Variants in FBXL17 observed in about 807,000 individuals in gnomAD.
FBXL17 encodes the protein F-box/LRR-repeat protein 17.
A neutral mutation model predicts 66.2 loss-of-function variants in FBXL17; 22 were observed. That is an observed-to-expected ratio of 0.33 (90% CI 0.24 to 0.47). The LOEUF is 0.47. Among genes scored for constraint, FBXL17 ranks in the 20% least tolerant of loss-of-function variants. The pLI, the probability that FBXL17 is intolerant of heterozygous loss-of-function variation, is 1.00. For missense variants in FBXL17, 878 were observed against 948.2 expected, an observed-to-expected ratio of 0.93 and a Z score of 0.97; for synonymous variants, 474 against 400.5, an observed-to-expected ratio of 1.18 and a Z score of -2.19.
chr5:108,159,823 C>T (rs1260599694), intron 6 of FBXL17, among the ~76,000 whole-genome samples: 2 of 152,094 alleles, frequency 1.3e-5, no homozygotes, highest in Non-Finnish European at 2.9e-5. Flanking sequence ...ACTAAATCCA[C>T]GATGTCTTTT....
At chr5:108,113,470 G>A (rs1018099081) in intron 6 of FBXL17, among the ~76,000 whole-genome samples, 2 of 151,946 alleles carry the variant, frequency 1.3e-5, no homozygotes, top group Non-Finnish European at 2.9e-5. Context: ...TTTTCTTCCA[G>A]TGTATCGAGA....
chr5:108,308,274 GTTTTCATTTTTTGAGTGTCTAGAAT>G (rs1409967789), intron 4 of FBXL17, among the ~76,000 whole-genome samples: 1 of 151,906 alleles, frequency 6.6e-6, no homozygotes. Context: ...AGTAATGGTG[GTTTTCATTTTTTGAGTGTCTAGAAT>G]GTATAGGCAT....
chr5:107,916,100 C>T (rs1464860593), intron 7 of FBXL17, among the ~76,000 whole-genome samples: 1 of 152,114 alleles, frequency 6.6e-6, no homozygotes, highest in Non-Finnish European at 1.5e-5. Context: ...ACAGACCTTA[C>T]CTAAGCCACT....
In FBXL17 at chr5:108,028,976, T is replaced by A. The variant is rs1754931292; in HGVS notation, c.1746-7975A>T. On this transcript the variant is annotated intron_variant, in intron 6 of 8. Transcript: ENST00000542267. ...CTAATTTGATGCCTTTGAAAGCTTA[T>A]AATTAGATAGCTATAATCAAATACA... is the stretch of plus-strand genomic sequence containing the variant. 2.0e-5 allele frequency among the ~76,000 whole-genome samples: 3 copies of A among 152,186 alleles called. No individual in the cohort carries two copies. In the South Asian group the frequency reaches 6.2e-4, roughly 31 times the overall value.
intron 7 of FBXL17, among the ~76,000 whole-genome samples, chr5:108,015,432 T>TG (rs1362570950): frequency 6.6e-6 from 1 of 152,020 alleles, no homozygotes; most frequent in African/African-American, 2.4e-5. Context: ...ACAAAAGGAG[T>TG]GGAATCTTAC....
chr5:108,255,156 A>G (rs1010907599), intron 4 of FBXL17, among the ~76,000 whole-genome samples: 1 of 152,200 alleles, frequency 6.6e-6, no homozygotes, highest in African/African-American at 2.4e-5. Context: ...ATTTTTCAAC[A>G]TAATAAAATA....
chr5:108,375,500 GA>G (rs1313896030), intron 1 of FBXL17, among the ~76,000 whole-genome samples: 1 of 151,816 alleles, frequency 6.6e-6, no homozygotes, highest in Non-Finnish European at 1.5e-5. Context: ...AATTATAAGA[GA>G]ATACTATAAT....
At chr5:108,346,171 C>T (rs1289996237) in intron 4 of FBXL17, among the ~76,000 whole-genome samples, 1 of 151,962 alleles carries the variant, frequency 6.6e-6, no homozygotes, top group East Asian at 1.9e-4. Context: ...ATACAAACTT[C>T]CTATAGGAGG....
chr5:107,983,554 A>G (rs1752905151), intron 7 of FBXL17, among the ~76,000 whole-genome samples: 1 of 152,108 alleles, frequency 6.6e-6, no homozygotes, highest in Non-Finnish European at 1.5e-5. Flanking sequence ...ATACTGAGAT[A>G]GCAAAGAGAG....
rs1245288019 is a variant in FBXL17 at position 108,381,619 on chromosome 5, G to A, written c.73C>T (p.Arg25Cys). 3.4e-6 allele frequency: 5 copies of A among 1,488,580 alleles called. No individual in the cohort carries two copies. Among genetic ancestry groups the A allele is most frequent in the Non-Finnish European group, 4.4e-6 (5 of 1,124,590 alleles). 92.2% of individuals were successfully genotyped at this position (1,488,580 alleles called of 1,614,324 possible). Residue 25 changes from arginine (R) to cysteine (C), a missense_variant, in exon 1 of 9, where the codon CGC (arginine) becomes TGC (cysteine). By Grantham distance (180) the Arg-to-Cys change is radical. Around this residue, in one of 4 missense-constraint regions of FBXL17, gnomAD observed 605 missense variants for 509.5 expected, o/e 1.19. Coordinates refer to ENST00000542267, the MANE Select transcript of FBXL17 (RefSeq NM_001163315.3). ...QKRPRCCSWC[R>C]RRRPLLRLPR... Reference sequence around the variant, plus strand: ...AGCCTGAGGAGAGGGCGCCGGCGGCGGCACCAACTGCAACAGCGAGGCCTC... The same window carrying A: ...AGCCTGAGGAGAGGGCGCCGGCGGCAGCACCAACTGCAACAGCGAGGCCTC...
chr5:108,020,673 A>AGTGTGTGTGTGCAAACATACATGTGTGC (rs1561371270), intron 7 of FBXL17: 16 of 275,972 alleles, frequency 5.8e-5, no homozygotes, highest in African/African-American at 2.6e-4. Flanking sequence ...ATTTTGTGTG[A>AGTGTGTGTGTGCAAACATACATGTGTGC]GTGTGTGTGT....
chr5:107,989,988 T>A (rs1001924752), intron 7 of FBXL17, among the ~76,000 whole-genome samples: 10 of 152,168 alleles, frequency 6.6e-5, no homozygotes, highest in Admixed American at 4.6e-4. Context: ...CCCTAACCCC[T>A]TTTCATTTCT....
chr5:108,374,327 A>G (rs1484379660), intron 1 of FBXL17, among the ~76,000 whole-genome samples: 1 of 152,232 alleles, frequency 6.6e-6, no homozygotes, highest in Non-Finnish European at 1.5e-5. Context: ...ATTTGAAAAT[A>G]TTAAGCTCAT....
intron 5 of FBXL17, among the ~76,000 whole-genome samples, chr5:108,201,634 T>A (rs1354511098): frequency 6.6e-6 from 1 of 152,020 alleles, no homozygotes; most frequent in East Asian, 1.9e-4. Flanking sequence ...TTTTTCTCAG[T>A]AGTATATTTT....
intron 6 of FBXL17, among the ~76,000 whole-genome samples, chr5:108,102,039 C>T (rs1749621804): frequency 6.6e-6 from 1 of 152,162 alleles, no homozygotes; most frequent in Non-Finnish European, 1.5e-5. Flanking sequence ...ATTTAAGTGG[C>T]TGGGGCCCAA....
chr5:107,953,646 C>T (rs1301960633), intron 7 of FBXL17, among the ~76,000 whole-genome samples: 1 of 152,158 alleles, frequency 6.6e-6, no homozygotes, highest in African/African-American at 2.4e-5. Flanking sequence ...TTCACCTTCT[C>T]TTGCAAGCCA....
intron 5 of FBXL17, among the ~76,000 whole-genome samples, chr5:108,216,379 G>A (rs1754600013): frequency 6.6e-6 from 1 of 151,932 alleles, no homozygotes; most frequent in South Asian, 2.1e-4. Context: ...TGTTTTGTGG[G>A]TTTCAGTGAT....
At position 108,364,783 on chromosome 5, in the gene FBXL17, C is replaced by T. The variant is rs533097777; in HGVS notation, c.1329G>A (p.Val443=). Residue 443 remains valine (V), a synonymous_variant, in exon 3 of 9, where the codon GTG becomes GTA. Transcript: ENST00000542267. ...VASHCPLLQK[V]HVGNQDKLTD... ...TGAGTTTGTCCTGGTTGCCTACATG[C>T]ACTTTCTGAAGTAAAGGACAGTGAG... 8.7e-6 allele frequency: 14 copies of T among 1,612,708 alleles called. No homozygotes were observed. In the South Asian group the frequency reaches 1.1e-4, roughly 13 times the overall value.
At chr5:108,038,977 G>A (rs998464612) in intron 6 of FBXL17, among the ~76,000 whole-genome samples, 2 of 152,030 alleles carry the variant, frequency 1.3e-5, no homozygotes, top group African/African-American at 2.4e-5. Flanking sequence ...TCAGGTCTAA[G>A]TAGAAGACTA....
Sources: allele counts gnomAD v4.1 joint callset (sites outside exome capture counted in the v4.1 genomes callset), GRCh38; gene constraint gnomAD v4.1.1; regional missense constraint gnomAD v4.1.1; transcripts MANE v1.5; gene names NCBI Gene and HGNC (gene_info 2026-07-23, HGNC 2026-07-21).